Variants in CLSTN2 observed in about 807,000 individuals in gnomAD.
CLSTN2 encodes calsyntenin 2.
In CLSTN2, 48 loss-of-function variants were observed where a neutral mutation model predicts 101.2. The ratio of observed to expected loss-of-function variants is 0.47; its 90% CI spans 0.38 to 0.60. The LOEUF is 0.60. Among genes scored for constraint, CLSTN2 ranks in the 20% least tolerant of loss-of-function variants. CLSTN2 has a pLI of 0.00. For synonymous variants in CLSTN2, 481 were observed against 463.6 expected, an observed-to-expected ratio of 1.04 and a Z score of -0.48; for missense variants, 1,160 against 1,238.2, an observed-to-expected ratio of 0.94 and a Z score of 0.95.
At chr3:140,521,048 A>ATTTTTTTTT (rs57840726) in intron 8 of CLSTN2, among the ~76,000 whole-genome samples, 1 of 125,492 alleles carries the variant, frequency 8.0e-6, no homozygotes, top group Non-Finnish European at 1.7e-5. Context: ...GCTTTTTTGC[A>ATTTTTTTTT]TTTTTTTTTT....
At chr3:140,169,029 C>T (rs891083824) in intron 1 of CLSTN2, among the ~76,000 whole-genome samples, 43 of 152,056 alleles carry the variant, frequency 2.8e-4, no homozygotes, top group African/African-American at 1.0e-3. Context: ...TTTCAGAAAT[C>T]CTGCTGGTAA....
intron 1 of CLSTN2, among the ~76,000 whole-genome samples, chr3:139,937,574 TAA>T (rs59496165): frequency 2.0e-3 from 232 of 114,642 alleles, no homozygotes; most frequent in African/African-American, 5.7e-3. Context: ...CCGTCTCTAC[TAA>T]AAAAAAAAAA....
At chr3:140,226,103 A>C (rs2086317563) in intron 2 of CLSTN2, among the ~76,000 whole-genome samples, 1 of 152,218 alleles carries the variant, frequency 6.6e-6, no homozygotes, top group African/African-American at 2.4e-5. Flanking sequence ...TTACACTGAG[A>C]GAAAAAAGCC....
chr3:140,237,270 C>T (rs1337845056), intron 2 of CLSTN2, among the ~76,000 whole-genome samples: 4 of 152,168 alleles, frequency 2.6e-5, no homozygotes, highest in Non-Finnish European at 5.9e-5. Flanking sequence ...GTTCCCACTA[C>T]TGACGCAATA....
intron 2 of CLSTN2, among the ~76,000 whole-genome samples, chr3:140,346,201 G>A (rs1330304978): frequency 3.9e-5 from 6 of 152,144 alleles, no homozygotes; most frequent in Non-Finnish European, 1.5e-5. Context: ...TATGCCAGTC[G>A]AGTGAGCTAT....
chr3:139,947,167 G>A (rs73867233), intron 1 of CLSTN2, among the ~76,000 whole-genome samples: 7,571 of 152,224 alleles, frequency 0.05, 583 homozygotes, highest in African/African-American at 0.17. Context: ...CTAACCCAAA[G>A]GAGTGAATCA....
chr3:140,566,023 G>A (rs1936018519), intron 16 of CLSTN2, 30 bp from the exon 17 acceptor site: 7 of 1,613,466 alleles, frequency 4.3e-6, no homozygotes, highest in Non-Finnish European at 5.9e-6. Context: ...AGCCCCTGAT[G>A]AGCATTTGCT....
At chr3:140,084,557 C>G (rs1334685011) in intron 1 of CLSTN2, among the ~76,000 whole-genome samples, 1 of 152,170 alleles carries the variant, frequency 6.6e-6, no homozygotes, top group African/African-American at 2.4e-5. Context: ...GAAACCAAGT[C>G]TACAGACAAC....
At chr3:140,259,201 G>A (rs1433202531) in intron 2 of CLSTN2, among the ~76,000 whole-genome samples, 4 of 150,776 alleles carry the variant, frequency 2.7e-5, no homozygotes, top group African/African-American at 4.9e-5. Context: ...GGCTGGGTGC[G>A]GTGGCTCACG....
chr3:140,400,686 A>G (rs924607194), intron 2 of CLSTN2, among the ~76,000 whole-genome samples: 3 of 152,198 alleles, frequency 2.0e-5, no homozygotes, highest in Admixed American at 2.0e-4. Context: ...GTGACAAACC[A>G]AGACCTCATC....
intron 2 of CLSTN2, among the ~76,000 whole-genome samples, chr3:140,303,705 C>T (rs1311054835): frequency 6.6e-6 from 1 of 151,924 alleles, no homozygotes; most frequent in Non-Finnish European, 1.5e-5. Flanking sequence ...TTCGGTGTCC[C>T]AACTTGACCC....
intron 1 of CLSTN2, among the ~76,000 whole-genome samples, chr3:139,973,490 G>T (rs1376438700): frequency 6.6e-6 from 1 of 152,142 alleles, no homozygotes; most frequent in Non-Finnish European, 1.5e-5. Flanking sequence ...GGAAGGACTT[G>T]TCCTCAAGAA....
chr3:140,555,929 A>G (rs546494748), intron 10 of CLSTN2, among the ~76,000 whole-genome samples: 5 of 152,338 alleles, frequency 3.3e-5, no homozygotes, highest in Non-Finnish European at 5.9e-5. Flanking sequence ...CTGCTGGCAG[A>G]TGTGTAAGCA....
intron 1 of CLSTN2, among the ~76,000 whole-genome samples, chr3:139,984,789 T>C (rs951009480): frequency 6.6e-6 from 1 of 152,190 alleles, no homozygotes; most frequent in African/African-American, 2.4e-5. Context: ...GTTATACCTC[T>C]AACTCCTGCC....
intron 8 of CLSTN2, among the ~76,000 whole-genome samples, chr3:140,512,010 T>A (rs1291880473): frequency 6.6e-6 from 1 of 152,138 alleles, no homozygotes; most frequent in Non-Finnish European, 1.5e-5. Flanking sequence ...TACGTTTGCT[T>A]AAGTTCCTTG....
chr3:140,208,652 G>T (rs900789576), intron 2 of CLSTN2, among the ~76,000 whole-genome samples: 10 of 152,156 alleles, frequency 6.6e-5, no homozygotes, highest in Admixed American at 2.0e-4. Context: ...TGTTCATTCA[G>T]CACCTGTGCA....
chr3:140,264,274 G>A (rs146400782), intron 2 of CLSTN2, among the ~76,000 whole-genome samples: 78 of 151,402 alleles, frequency 5.2e-4, no homozygotes, highest in African/African-American at 1.8e-3. Context: ...CTAAGTACAA[G>A]AAGGCTGTGA....
At chr3:140,453,801 T>C (rs1933313916) in intron 6 of CLSTN2, among the ~76,000 whole-genome samples, 1 of 152,186 alleles carries the variant, frequency 6.6e-6, no homozygotes, top group Admixed American at 6.5e-5. Flanking sequence ...AAGACAGACA[T>C]GTTAAGAAAA....
intron 2 of CLSTN2, among the ~76,000 whole-genome samples, chr3:140,236,248 T>A (rs931801841): frequency 6.6e-6 from 1 of 152,208 alleles, no homozygotes; most frequent in Non-Finnish European, 1.5e-5. Flanking sequence ...AACCTTAACA[T>A]AGCCCTAAGA....
Sources: gnomAD v4.1 joint callset for allele counts (sites outside exome capture counted in the v4.1 genomes callset) on GRCh38, gnomAD v4.1.1 for gene constraint, MANE v1.5 for transcripts, NCBI Gene and HGNC (gene_info 2026-07-23, HGNC 2026-07-21) for gene names.